RBMS2: variants seen among roughly 807,000 people sequenced by gnomAD.
RBMS2 encodes the protein RNA-binding motif, single-stranded-interacting protein 2.
A neutral mutation model predicts 58.4 loss-of-function variants in RBMS2; 38 were observed. That is an observed-to-expected ratio of 0.65 (90% CI 0.50 to 0.85). RBMS2 has a LOEUF of 0.85. RBMS2 is among the 40% of genes least tolerant of loss of function. The pLI is 0.00. For missense variants in RBMS2, 367 were observed against 503.7 expected (o/e 0.73, Z 2.60); for synonymous variants, 151 against 180.7 (o/e 0.84, Z 1.32).
At chr12:56,539,867 G>A (rs2657902) in intron 1 of RBMS2, 155,540 of 253,336 alleles carry the variant, frequency 0.61, 48,725 homozygotes, top group East Asian at 0.72. Context: ...CTGAGAGGCC[G>A]GATGCTTCAT....
chr12:56,586,094 T>C (rs1243416027), intron 9 of RBMS2, among the ~76,000 whole-genome samples: 3 of 151,962 alleles, frequency 2.0e-5, no homozygotes, highest in Non-Finnish European at 1.5e-5. Flanking sequence ...TTTGGGAGGC[T>C]GAGGCGGGCA....
At position 56,536,200 on chromosome 12, in the gene RBMS2, C is replaced by CAAAA. The variant is rs71446560; in HGVS notation, c.66+14136_66+14139dup. ...GGGTGACAAGAGTGAAACTCTGTCT[C>CAAAA]AAAAAAAAAAAAAAAAAAAAAAAAA... On this transcript the variant is annotated intron_variant, in intron 1 of 13. Coordinates refer to ENST00000262031, the MANE Select transcript of RBMS2 (RefSeq NM_002898.4). 6.9e-4 allele frequency among the ~76,000 whole-genome samples: 53 copies of CAAAA among 76,434 alleles called. 1 individual carries two copies. Among genetic ancestry groups the CAAAA allele is most frequent in the African/African-American group, 3.2e-3 (50 of 15,612 alleles). 50.1% of individuals were successfully genotyped at this position (76,434 alleles called of 152,430 possible).
intron 1 of RBMS2, among the ~76,000 whole-genome samples, chr12:56,553,577 G>A (rs971235121): frequency 1.3e-5 from 2 of 150,966 alleles, no homozygotes; most frequent in Non-Finnish European, 3.0e-5. Context: ...ATCTGCCCAC[G>A]ATGGCCTCCT....
intron 1 of RBMS2, among the ~76,000 whole-genome samples, chr12:56,527,650 A>C (rs113774240): frequency 3.3e-5 from 5 of 151,984 alleles, no homozygotes; most frequent in East Asian, 1.9e-4. Flanking sequence ...AAAACAAAAA[A>C]AAAACTTTAA....
rs372467204 is a variant in RBMS2, at chr12:56,588,247, G to A, written c.1063-47G>A. The A allele has an allele frequency of 1.1e-5, 16 of 1,498,914 alleles. No individual in the cohort carries two copies. In the African/African-American group the frequency reaches 1.9e-4, roughly 18 times the overall value. The allele number at this position is 1,498,914 out of a possible 1,614,324, so 92.9% of individuals were successfully genotyped here. A position where few individuals can be genotyped will look rare whatever the true frequency, so the allele number is the denominator to read the frequency against. On this transcript the variant is annotated intron_variant, in intron 11 of 13. Transcript: ENST00000262031. ...TTAAAGCCCCTCAGCTGCTTCAAATGTAGCCAAAAATCACTGCTGTAAGCC... is the reference window on the plus strand; with the variant it reads ...TTAAAGCCCCTCAGCTGCTTCAAATATAGCCAAAAATCACTGCTGTAAGCC...
chr12:56,522,103 C>CT lies in RBMS2; in HGVS notation c.66+20dup. 1 of 1,567,334 alleles carries CT rather than the reference C, an allele frequency of 6.4e-7. No individual in the cohort carries two copies. The highest frequency in any genetic ancestry group is 8.8e-7 in the Non-Finnish European group (1 of 1,140,710). On this transcript the variant is annotated intron_variant, in intron 1 of 13. Transcript: ENST00000262031. ...AACAACAAGAAGGTAGGGAAAAGCG[C>CT]TTTTTTGGTATCTAGCTACTTCTTT...
chr12:56,588,478 C>A, intron 12 of RBMS2, 104 bp downstream of exon 12: 1 of 1,079,416 alleles, frequency 9.3e-7, no homozygotes, highest in Non-Finnish European at 1.4e-6. Context: ...ATTCTGTGTT[C>A]ACAAATAGCT....
In RBMS2 at chr12:56,581,886, T is replaced by A. The variant is rs762887087; in HGVS notation, c.779+7T>A. 4.3e-6 allele frequency: 7 copies of A among 1,613,682 alleles called. No homozygotes were observed. Among genetic ancestry groups the A allele is most frequent in the Non-Finnish European group, 5.9e-6 (7 of 1,179,744 alleles). ...CCACAGCTCTTCAGAATGGGTAAGG[T>A]TTTATATAATCAAGCCACCTGAAAA... On this transcript the variant is annotated splice_region_variant and intron_variant, in intron 8 of 13. Transcript: ENST00000262031.
intron 1 of RBMS2, among the ~76,000 whole-genome samples, chr12:56,549,391 A>G (rs543178589): frequency 1.3e-5 from 2 of 152,080 alleles, no homozygotes; most frequent in African/African-American, 4.8e-5. Context: ...AGATCTGATG[A>G]AAACCTAGTG....
At chr12:56,584,393 C>T (rs2136574677) in intron 9 of RBMS2, among the ~76,000 whole-genome samples, 1 of 149,600 alleles carries the variant, frequency 6.7e-6, no homozygotes, top group Non-Finnish European at 1.5e-5. Context: ...GATCGCGCCA[C>T]TGTACTTCAT....
At chr12:56,557,736 C>CT (rs1879478348) in intron 1 of RBMS2, among the ~76,000 whole-genome samples, 1 of 148,412 alleles carries the variant, frequency 6.7e-6, no homozygotes, top group African/African-American at 2.5e-5. Context: ...TTTTTCTTTT[C>CT]TTTTCTTTTT....
chr12:56,534,161 C>A (rs1384719468), intron 1 of RBMS2, among the ~76,000 whole-genome samples: 1 of 150,508 alleles, frequency 6.6e-6, no homozygotes, highest in African/African-American at 2.4e-5. Flanking sequence ...TTTCACGATT[C>A]ATTCATGTTG....
At chr12:56,562,307 T>G in intron 1 of RBMS2, 110 bp from the exon 2 acceptor site, 1 of 1,060,876 alleles carries the variant, frequency 9.4e-7, no homozygotes, top group Non-Finnish European at 1.4e-6. Context: ...GAGTGCACAT[T>G]TGTGATTATA....
chr12:56,574,449 TATG>T (rs1431364793), intron 5 of RBMS2, among the ~76,000 whole-genome samples: 1 of 152,214 alleles, frequency 6.6e-6, no homozygotes, highest in Non-Finnish European at 1.5e-5. Context: ...TTTGTGAAAA[TATG>T]ATGTTATCTA....
chr12:56,535,000 G>T (rs1369220677), intron 1 of RBMS2, among the ~76,000 whole-genome samples: 1 of 152,090 alleles, frequency 6.6e-6, no homozygotes, highest in Admixed American at 6.6e-5. Context: ...TGATACAATT[G>T]ATCACTCTAT....
At chr12:56,520,770 C>T (rs3809126), upstream of RBMS2, among the ~76,000 whole-genome samples, 57 of 152,036 alleles carry the variant, frequency 3.7e-4, 1 homozygote, top group East Asian at 0.011. Context: ...CAACTCAAAG[C>T]AGACATCCCA....
intron 1 of RBMS2, among the ~76,000 whole-genome samples, chr12:56,557,703 A>G (rs1349877348): frequency 2.0e-5 from 3 of 151,740 alleles, no homozygotes. Context: ...GATGGTAAGC[A>G]TGGCAGCAAA....
intron 1 of RBMS2, among the ~76,000 whole-genome samples, chr12:56,556,046 T>TAA (rs57399884): frequency 4.3e-5 from 6 of 138,658 alleles, no homozygotes; most frequent in Non-Finnish European, 3.2e-5. Context: ...CTCTGTGTCT[T>TAA]AAAAAAAAAA....
At chr12:56,524,630 G>T (rs1872323290) in intron 1 of RBMS2, among the ~76,000 whole-genome samples, 1 of 151,968 alleles carries the variant, frequency 6.6e-6, no homozygotes, top group African/African-American at 2.4e-5. Flanking sequence ...GGCCAGGCTG[G>T]TCTCAAACTC....
Sources: gnomAD v4.1 joint callset for allele counts (sites outside exome capture counted in the v4.1 genomes callset) on GRCh38, gnomAD v4.1.1 for gene constraint, MANE v1.5 for transcripts, NCBI Gene and HGNC (gene_info 2026-07-23, HGNC 2026-07-21) for gene names.